The following SEC31A variants were observed in gnomAD, a reference collection of about 807,000 sequenced individuals.
SEC31A encodes protein transport protein Sec31A.
Under a neutral mutation model 151.0 loss-of-function variants are expected in SEC31A, and 70 were observed. The ratio of observed to expected loss-of-function variants is 0.46; its 90% confidence interval spans 0.38 to 0.57. The LOEUF (loss-of-function observed/expected upper bound fraction) is 0.57, where lower values mean the gene tolerates loss of function less well. Ranked by LOEUF, SEC31A falls within the 20% of genes least tolerant of loss-of-function variation. SEC31A has a pLI of 0.00. For missense variants in SEC31A, 1,330 were observed against 1,471.2 expected, an observed-to-expected ratio of 0.90 and a Z score of 1.57; for synonymous variants, 475 against 505.9, an observed-to-expected ratio of 0.94 and a Z score of 0.82.
At chr4:82,897,786 T>C (rs1457298299) in intron 3 of SEC31A, 1 of 152,180 alleles carries the variant, frequency 6.6e-6, no homozygotes. Context: ...TCAGCATAAT[T>C]TGTGGCCCAT....
intron 22 of SEC31A, chr4:82,830,908 T>C: frequency 9.0e-7 from 1 of 1,113,892 alleles, no homozygotes; most frequent in Non-Finnish European, 1.2e-6. Context: ...TTCAAAGATT[T>C]CCAAAGGTAT....
chr4:82,857,933 A>G, intron 14 of SEC31A, 169 bp from the exon 15 acceptor site: 2 of 492,678 alleles, frequency 4.1e-6, no homozygotes, highest in Non-Finnish European at 7.3e-6. Flanking sequence ...CCTTCCCTAA[A>G]TATTACCTCC....
At chr4:82,833,685 C>A (rs1726551729) in intron 22 of SEC31A, among the ~76,000 whole-genome samples, 1 of 152,080 alleles carries the variant, frequency 6.6e-6, no homozygotes, top group Non-Finnish European at 1.5e-5. Context: ...AGGGTCAGGA[C>A]AGGCCTAGCC....
exon 1 of SEC31A, chr4:82,900,446 G>A: frequency 3.7e-6 from 1 of 268,358 alleles, no homozygotes; most frequent in African/African-American, 2.3e-5. Context: ...TTTCAGGCTT[G>A]GCCTCACAAG....
At chr4:82,878,389 G>A (rs1404682188) in intron 4 of SEC31A, among the ~76,000 whole-genome samples, 1 of 152,166 alleles carries the variant, frequency 6.6e-6, no homozygotes, top group Admixed American at 6.5e-5. Context: ...AGCTACTCGG[G>A]AGGCTGAGGC....
intron 22 of SEC31A, among the ~76,000 whole-genome samples, chr4:82,841,467 T>TATATATATATATATATACAC (rs1339344582): frequency 9.7e-6 from 1 of 103,594 alleles, no homozygotes; most frequent in Non-Finnish European, 2.0e-5. Flanking sequence ...TATATATATA[T>TATATATATATATATATACAC]ACACACACAC....
chr4:82,834,299 G>T (rs1414562977), intron 22 of SEC31A, among the ~76,000 whole-genome samples: 1 of 152,138 alleles, frequency 6.6e-6, no homozygotes, highest in Non-Finnish European at 1.5e-5. Context: ...TGACCCTTTA[G>T]TCAGGTCAAA....
chr4:82,896,170 G>C (rs1720051866), upstream of SEC31A, among the ~76,000 whole-genome samples: 1 of 152,188 alleles, frequency 6.6e-6, no homozygotes, highest in South Asian at 2.1e-4. Flanking sequence ...CCAGAAGTCT[G>C]TATCTGCTTT....
chr4:82,888,243 G>A (rs191260702), intron 1 of SEC31A, among the ~76,000 whole-genome samples: 2,254 of 149,478 alleles, frequency 0.015, 59 homozygotes, highest in African/African-American at 0.053. Flanking sequence ...GGGCGTGGTG[G>A]TGTGTACCTG....
intron 3 of SEC31A, among the ~76,000 whole-genome samples, chr4:82,897,052 CT>C (rs1322888949): frequency 3.9e-5 from 6 of 152,184 alleles, no homozygotes. Context: ...GATTTATAAT[CT>C]TTTGAGTCTT....
intron 16 of SEC31A, 148 bp from the exon 17 acceptor site, chr4:82,855,177 T>G (rs1578244432): frequency 1.5e-6 from 1 of 666,280 alleles, no homozygotes; most frequent in East Asian, 3.0e-5. Context: ...AATAATGGTA[T>G]TATTGTTCCT....
intron 25 of SEC31A, 105 bp downstream of exon 25, chr4:82,824,450 C>T (rs1171886149): frequency 1.7e-6 from 2 of 1,208,852 alleles, no homozygotes; most frequent in East Asian, 2.5e-5. Flanking sequence ...AATGATCCAC[C>T]TACCTCGGCC....
intron 1 of SEC31A, among the ~76,000 whole-genome samples, chr4:82,887,963 G>A (rs1377239025): frequency 6.6e-6 from 1 of 150,940 alleles, no homozygotes; most frequent in Non-Finnish European, 1.5e-5. Flanking sequence ...GGAGAATGGC[G>A]TGAACCCGGG....
intron 3 of SEC31A, among the ~76,000 whole-genome samples, chr4:82,879,391 G>T (rs1460598850): frequency 1.3e-5 from 2 of 151,756 alleles, no homozygotes; most frequent in East Asian, 3.9e-4. Flanking sequence ...AAAAGGGGGG[G>T]TCACTAACAA....
chr4:82,850,023 T>C (rs374309042), intron 19 of SEC31A, among the ~76,000 whole-genome samples: 19 of 151,210 alleles, frequency 1.3e-4, no homozygotes, highest in African/African-American at 4.6e-4. Context: ...CAGGACGTAT[T>C]CCCCCCACCA....
intron 22 of SEC31A, among the ~76,000 whole-genome samples, chr4:82,833,261 T>C (rs570486186): frequency 6.6e-6 from 1 of 152,210 alleles, no homozygotes; most frequent in East Asian, 1.9e-4. Context: ...TGCAGGGACA[T>C]GGATGAAGCT....
intron 22 of SEC31A, among the ~76,000 whole-genome samples, chr4:82,835,995 C>T (rs535695872): frequency 2.6e-5 from 4 of 152,212 alleles, no homozygotes; most frequent in African/African-American, 9.6e-5. Flanking sequence ...AATGGTGCAG[C>T]TGCTGTGAAA....
chr4:82,847,296 A>AAC (rs1396449784), intron 20 of SEC31A, among the ~76,000 whole-genome samples: 1 of 152,184 alleles, frequency 6.6e-6, no homozygotes, highest in African/African-American at 2.4e-5. Flanking sequence ...TCTGCCTGTT[A>AAC]ACACTGCATT....
chr4:82,857,778 A>T lies in SEC31A; in HGVS notation c.1627-14T>A. On this transcript the variant is annotated splice_polypyrimidine_tract_variant and intron_variant, in intron 14 of 26. Coordinates refer to ENST00000395310, the MANE Select transcript of SEC31A (RefSeq NM_001077207.4). ...CTCTTTAATGTGCTAAAGAGATGAA[A>T]AAAGCAACAATTTAGCCAGAATAAA... 6.6e-7 allele frequency: 1 copy of T among 1,518,222 alleles called. No homozygotes were observed. The highest frequency in any genetic ancestry group is 9.1e-7 in the Non-Finnish European group (1 of 1,099,690). The allele number at this position is 1,518,222 out of a possible 1,614,324, so 94.0% of individuals were successfully genotyped here. A position where few individuals can be genotyped will look rare whatever the true frequency, so the allele number is the denominator to read the frequency against.
Sources: allele counts gnomAD v4.1 joint callset (sites outside exome capture counted in the v4.1 genomes callset), GRCh38; gene constraint gnomAD v4.1.1; transcripts MANE v1.5; gene names NCBI Gene and HGNC (gene_info 2026-07-23, HGNC 2026-07-21).